The following PIP4K2A variants were observed in gnomAD, a reference collection of about 807,000 sequenced individuals.
PIP4K2A encodes the protein phosphatidylinositol-5-phosphate 4-kinase type 2 alpha.
PIP4K2A carries 14 observed loss-of-function variants against 42.9 expected under a neutral mutation model. The ratio of observed to expected loss-of-function variants is 0.33; its 90% CI spans 0.22 to 0.51. The LOEUF is 0.51. Among genes scored for constraint, PIP4K2A ranks in the 20% least tolerant of loss-of-function variants. The probability of loss-of-function intolerance (pLI) is 0.97; values close to 1 mark genes in which losing one functional copy is unlikely to be tolerated. For missense variants in PIP4K2A, 434 were observed against 519.8 expected (o/e 0.83, Z 1.61); for synonymous variants, 192 against 192.2 (o/e 1.00, Z 0.01).
At chr10:22,645,546 C>CT (rs1215040173) in intron 1 of PIP4K2A, among the ~76,000 whole-genome samples, 2 of 110,962 alleles carry the variant, frequency 1.8e-5, no homozygotes, top group African/African-American at 3.3e-5. Context: ...GATTCTATTT[C>CT]TTTAAAAAAA....
In PIP4K2A at chr10:22,539,982, C is replaced by T; in HGVS notation, c.1129G>A (p.Val377Ile). 6.3e-7 allele frequency: 1 copy of T among 1,595,640 alleles called. No homozygotes were observed. The highest frequency in any genetic ancestry group is 8.6e-7 in the Non-Finnish European group (1 of 1,163,570). ...KKKAAHAAKT[V>I]KHGAGAEIST... ...ATGGAGATACTCACGCCATGTTTAA[C>T]AGTTTTTGCAGCATGGGCAGCTTTC... The change falls in exon 9 of 10, where the codon GTT becomes ATT. Residue 377 changes from valine (V) to isoleucine (I), a missense_variant. Val to Ile is a conservative substitution (Grantham distance 29). Around this residue, in one of 2 missense-constraint regions of PIP4K2A, gnomAD observed 39 missense variants for 75.3 expected, o/e 0.52. Coordinates refer to ENST00000376573, the MANE Select transcript of PIP4K2A (RefSeq NM_005028.5).
At chr10:22,654,460 T>C (rs970940915) in intron 1 of PIP4K2A, among the ~76,000 whole-genome samples, 3 of 152,206 alleles carry the variant, frequency 2.0e-5, no homozygotes, top group African/African-American at 7.2e-5. Context: ...TGGAGAATCT[T>C]AGTAACAACG....
Position 22,714,338 on chromosome 10 carries a change from A to G in PIP4K2A, c.-12T>C, listed in dbSNP as rs374950445. ...CCGGGGGTCGCCATGGCCGCCTCCT[A>G]TGTCCCCTCCACCGCCGTGCTCCCG... On this transcript the variant is annotated 5_prime_UTR_variant, in exon 1 of 10. Coordinates refer to ENST00000376573, the MANE Select transcript of PIP4K2A (RefSeq NM_005028.5). 12 of 1,587,064 alleles carry G rather than the reference A, an allele frequency of 7.6e-6. No homozygotes were observed. The East Asian group carries it at 9.5e-5, about 13-fold the overall frequency.
chr10:22,582,949 T>C (rs1171311834), intron 4 of PIP4K2A, among the ~76,000 whole-genome samples: 2 of 133,230 alleles, frequency 1.5e-5, no homozygotes, highest in Admixed American at 7.3e-5. Flanking sequence ...ATAACAAATA[T>C]AACAAAACAA....
At chr10:22,611,189 G>C (rs1359601791) in intron 1 of PIP4K2A, among the ~76,000 whole-genome samples, 1 of 152,118 alleles carries the variant, frequency 6.6e-6, no homozygotes. Flanking sequence ...AGGACTTTGA[G>C]ACCAGCCTAG....
chr10:22,560,843 C>G (rs1564421169), intron 6 of PIP4K2A, among the ~76,000 whole-genome samples: 1 of 152,194 alleles, frequency 6.6e-6, no homozygotes, highest in South Asian at 2.1e-4. Context: ...CCCCAGGACT[C>G]TCTCTCTCAA....
chr10:22,653,759 C>T (rs142637169), intron 1 of PIP4K2A, among the ~76,000 whole-genome samples: 1 of 152,264 alleles, frequency 6.6e-6, no homozygotes, highest in African/African-American at 2.4e-5. Flanking sequence ...ACTGTAATCC[C>T]AGCTACTCGG....
chr10:22,623,677 A>AGTT (rs1838379852), intron 1 of PIP4K2A, among the ~76,000 whole-genome samples: 1 of 152,206 alleles, frequency 6.6e-6, no homozygotes, highest in Admixed American at 6.5e-5. Context: ...ACATGTGCCC[A>AGTT]GTTAAGTGGA....
chr10:22,576,993 G>C (rs547740575), intron 4 of PIP4K2A, among the ~76,000 whole-genome samples: 1 of 149,084 alleles, frequency 6.7e-6, no homozygotes, highest in South Asian at 2.1e-4. Flanking sequence ...CAGGAGAATC[G>C]TTTGAATTTG....
intron 1 of PIP4K2A, among the ~76,000 whole-genome samples, chr10:22,620,512 C>T (rs898765197): frequency 2.6e-5 from 4 of 152,210 alleles, no homozygotes; most frequent in Admixed American, 6.5e-5. Context: ...CTTTAAAAAA[C>T]GAGTCTGAGA....
rs1306512244 is a variant in PIP4K2A at position 22,536,487 on chromosome 10, GT to G, written c.*713del. 5.5e-6 allele frequency: 1 copy of G among 182,490 alleles called. No homozygotes were observed. The highest frequency in any genetic ancestry group is 1.1e-5 in the Non-Finnish European group (1 of 88,684). The allele number at this position is 182,490 out of a possible 1,614,324, so 11.3% of individuals were successfully genotyped here. On this transcript the variant is annotated 3_prime_UTR_variant, in exon 10 of 10. Transcript: ENST00000376573. The stretch of plus-strand genomic sequence containing the variant: ...GGGTGGGGGCTCTGGACACCAGGGG[GT>G]CCTGACAAGGCTGGGGCCAGAACCC...
intron 1 of PIP4K2A, among the ~76,000 whole-genome samples, chr10:22,614,442 C>T (rs1231500884): frequency 2.6e-5 from 4 of 152,298 alleles, no homozygotes; most frequent in African/African-American, 9.6e-5. Context: ...GCTACTTTAT[C>T]TTTCTTCCAG....
At chr10:22,611,162 G>A (rs1564442061) in intron 1 of PIP4K2A, among the ~76,000 whole-genome samples, 1 of 152,168 alleles carries the variant, frequency 6.6e-6, no homozygotes, top group Non-Finnish European at 1.5e-5. Context: ...GCTGAGGCAG[G>A]AGGACTGCTT....
Position 22,573,481 on chromosome 10 carries a change from G to A in PIP4K2A, c.493-24C>T, listed in dbSNP as rs1564426407. The A allele has an allele frequency of 1.1e-5, 18 of 1,585,482 alleles. No individual in the cohort carries two copies. The Admixed American group carries it at 1.9e-4, about 16-fold the overall frequency. Reference sequence around the variant, plus strand: ...TACTGCATAGGAGAGAAAGAAAAAGGAAAAAAACATCCAATCAAAAGATTG... The same window carrying A: ...TACTGCATAGGAGAGAAAGAAAAAGAAAAAAAACATCCAATCAAAAGATTG... On this transcript the variant is annotated intron_variant, in intron 4 of 9. Coordinates refer to ENST00000376573, the MANE Select transcript of PIP4K2A (RefSeq NM_005028.5).
chr10:22,606,423 A>C (rs2130698075), intron 3 of PIP4K2A, among the ~76,000 whole-genome samples: 1 of 152,318 alleles, frequency 6.6e-6, no homozygotes, highest in South Asian at 2.1e-4. Context: ...TCTTCTGTGT[A>C]CACAGAGCCT....
At position 22,607,617 on chromosome 10, in the gene PIP4K2A, G is replaced by A. The variant is rs116776375; in HGVS notation, c.339+310C>T. Among the ~76,000 whole-genome samples, 803 of 152,094 alleles carry A rather than the reference G, an allele frequency of 5.3e-3. 10 individuals are homozygous for A. Among genetic ancestry groups the A allele is most frequent in the African/African-American group, 0.018 (755 of 41,482 alleles). On this transcript the variant is annotated intron_variant, in intron 3 of 9. Transcript: ENST00000376573. ...ACATGTCTGACAGCAGAAATTAACA[G>A]GCAGCTCTGCTAGCCTGTTAATTTC...
chr10:22,570,867 G>T (rs907940309), intron 5 of PIP4K2A, among the ~76,000 whole-genome samples: 9 of 151,888 alleles, frequency 5.9e-5, no homozygotes, highest in Non-Finnish European at 1.0e-4. Context: ...AAAAAAACCA[G>T]CACCATCTAA....
intron 7 of PIP4K2A, among the ~76,000 whole-genome samples, chr10:22,547,746 T>C (rs944078337): frequency 5.3e-5 from 8 of 152,166 alleles, no homozygotes; most frequent in East Asian, 1.9e-4. Flanking sequence ...GTGATCAGAA[T>C]TGACAAAACA....
At chr10:22,664,192 C>CATATATACAT (rs1839298132) in intron 1 of PIP4K2A, among the ~76,000 whole-genome samples, 2 of 55,494 alleles carry the variant, frequency 3.6e-5, no homozygotes, top group African/African-American at 2.3e-4. Context: ...CATATATATA[C>CATATATACAT]ATATATATAT....
Sources: gnomAD v4.1 joint callset for allele counts (sites outside exome capture counted in the v4.1 genomes callset) on GRCh38, gnomAD v4.1.1 for gene constraint, gnomAD v4.1.1 regional missense constraint, MANE v1.5 for transcripts, NCBI Gene and HGNC (gene_info 2026-07-23, HGNC 2026-07-21) for gene names.